The following DCAF8L2 variants were observed in gnomAD, a reference collection of about 807,000 sequenced individuals.
DCAF8L2 encodes the protein DDB1- and CUL4-associated factor 8-like protein 2.
For synonymous variants in DCAF8L2, 200 were observed against 190.9 expected, an observed-to-expected ratio of 1.05 and a Z score of -0.39; for missense variants, 430 against 490.7, an observed-to-expected ratio of 0.88 and a Z score of 1.17.
the DCAF8L2 span, among the ~76,000 whole-genome samples, chrX:27,491,039 A>G: frequency 1.8e-5 from 2 of 112,030 alleles, no homozygotes; most frequent in African/African-American, 3.2e-5. Context: ...CTTTGCAGAT[A>G]TTTTTTCCCC....
At chrX:27,495,706 T>G in the DCAF8L2 span, among the ~76,000 whole-genome samples, 1 of 112,117 alleles carries the variant, frequency 8.9e-6, no homozygotes, top group East Asian at 2.8e-4. Flanking sequence ...TTCATTTTTT[T>G]GTATGTATTA....
chrX:27,614,818 C>T (rs1927378168), intron 1 of DCAF8L2, among the ~76,000 whole-genome samples: 2 of 111,463 alleles, frequency 1.8e-5, no homozygotes, highest in South Asian at 7.5e-4. Flanking sequence ...GTCTGAGAGA[C>T]AGTTTGTTGT....
chrX:27,520,423 C>T, the DCAF8L2 span, among the ~76,000 whole-genome samples: 2 of 111,589 alleles, frequency 1.8e-5, no homozygotes, highest in Non-Finnish European at 3.8e-5. Flanking sequence ...TAATCAATGG[C>T]AAGTGCAGAA....
the DCAF8L2 span, among the ~76,000 whole-genome samples, chrX:27,490,928 A>G: frequency 8.9e-6 from 1 of 112,052 alleles, no homozygotes; most frequent in South Asian, 3.7e-4. Flanking sequence ...TTAGAAGTGA[A>G]CACAGGCAGT....
At chrX:27,598,239 A>G (rs1272175532) in intron 1 of DCAF8L2, among the ~76,000 whole-genome samples, 2 of 112,882 alleles carry the variant, frequency 1.8e-5, no homozygotes, top group African/African-American at 3.2e-5. Flanking sequence ...AACTTCAATC[A>G]TAAAAAAGTC....
chrX:27,516,445 A>ATC, the DCAF8L2 span, among the ~76,000 whole-genome samples: 5 of 75,472 alleles, frequency 6.6e-5, no homozygotes, highest in Middle Eastern at 6.4e-3. Flanking sequence ...CAAGGTTAGC[A>ATC]TCTCTCTCTC....
At chrX:27,512,883 G>T in the DCAF8L2 span, among the ~76,000 whole-genome samples, 28 of 102,477 alleles carry the variant, frequency 2.7e-4, no homozygotes, top group East Asian at 8.0e-3. Context: ...ATCAGTACTG[G>T]CATAAAAACA....
chrX:27,475,640 T>C, the DCAF8L2 span, among the ~76,000 whole-genome samples: 370 of 111,883 alleles, frequency 3.3e-3, 1 homozygote, highest in African/African-American at 0.011. Context: ...TACGACTTCT[T>C]TTTTGAAACC....
intron 1 of DCAF8L2, among the ~76,000 whole-genome samples, chrX:27,594,448 T>C (rs1333094010): frequency 9.0e-6 from 1 of 111,250 alleles, no homozygotes; most frequent in African/African-American, 3.3e-5. Flanking sequence ...ACTGAGAATA[T>C]ATATATATAC....
At chrX:27,651,193 T>G (rs2147199743) in intron 2 of DCAF8L2, among the ~76,000 whole-genome samples, 1 of 111,763 alleles carries the variant, frequency 8.9e-6, no homozygotes, top group Admixed American at 9.6e-5. Context: ...TGGATTAATT[T>G]TCCTAGTATT....
chrX:27,578,022 C>T, the DCAF8L2 span, among the ~76,000 whole-genome samples: 2 of 111,426 alleles, frequency 1.8e-5, no homozygotes, highest in Non-Finnish European at 3.8e-5. Context: ...CTACCATTGA[C>T]ATTCTTTAGA....
the DCAF8L2 span, among the ~76,000 whole-genome samples, chrX:27,502,377 T>TA: frequency 5.5e-4 from 40 of 72,907 alleles, no homozygotes; most frequent in Non-Finnish European, 7.9e-4. Context: ...TATATATATA[T>TA]TGGCTGTGCA....
the DCAF8L2 span, among the ~76,000 whole-genome samples, chrX:27,501,922 G>A: frequency 4.5e-5 from 5 of 110,775 alleles, no homozygotes; most frequent in Admixed American, 9.7e-5. Context: ...GCCCAAGGCC[G>A]TAGATAAGGA....
intron 1 of DCAF8L2, among the ~76,000 whole-genome samples, chrX:27,603,194 A>G (rs1926728350): frequency 9.0e-6 from 1 of 111,636 alleles, no homozygotes; most frequent in Non-Finnish European, 1.9e-5. Context: ...TATCATCAGC[A>G]TATTTGGACA....
intron 4 of DCAF8L2, among the ~76,000 whole-genome samples, chrX:27,742,753 A>C (rs1602813030): frequency 8.9e-6 from 1 of 111,809 alleles, no homozygotes; most frequent in Non-Finnish European, 1.9e-5. Context: ...CATACATAAA[A>C]ACACCACCAC....
intron 1 of DCAF8L2, among the ~76,000 whole-genome samples, chrX:27,613,604 T>C (rs1927299081): frequency 9.0e-6 from 1 of 111,262 alleles, no homozygotes; most frequent in Admixed American, 9.6e-5. Flanking sequence ...TAAATAGCTC[T>C]TATTATTTTG....
the DCAF8L2 span, among the ~76,000 whole-genome samples, chrX:27,472,075 A>T: frequency 8.9e-6 from 1 of 111,775 alleles, no homozygotes; most frequent in South Asian, 3.7e-4. Flanking sequence ...CTGAGCTTTG[A>T]TTTGAACCCT....
chrX:27,597,177 A>G (rs1318677338), intron 1 of DCAF8L2, among the ~76,000 whole-genome samples: 1 of 112,237 alleles, frequency 8.9e-6, no homozygotes, highest in Non-Finnish European at 1.9e-5. Context: ...GTTTAAAATC[A>G]TATACATTTT....
chrX:27,517,600 T>C, the DCAF8L2 span, among the ~76,000 whole-genome samples: 1 of 111,461 alleles, frequency 9.0e-6, no homozygotes, highest in East Asian at 2.8e-4. Flanking sequence ...ATATCATACT[T>C]CCTTAATGTT....
Sources: allele counts gnomAD v4.1 joint callset (sites outside exome capture counted in the v4.1 genomes callset), GRCh38; gene constraint gnomAD v4.1.1; transcripts MANE v1.5; gene names NCBI Gene and HGNC (gene_info 2026-07-23, HGNC 2026-07-21).